KIZ: variants seen among roughly 807,000 people sequenced by gnomAD.
The protein encoded by KIZ is kizuna centrosomal protein.
In KIZ, 68 loss-of-function variants were observed where a neutral mutation model predicts 79.6. That is an observed-to-expected ratio of 0.85 (90% CI 0.70 to 1.05). The LOEUF (loss-of-function observed/expected upper bound fraction) is 1.05. Ranked by LOEUF, KIZ falls within the 50% of genes least tolerant of loss-of-function variation. KIZ has a pLI of 0.00. For synonymous variants in KIZ, 280 were observed against 281.8 expected (o/e 0.99, Z 0.06); for missense variants, 797 against 800.4 (o/e 1.00, Z 0.05).
chr20:21,145,720 A>G, intron 4 of KIZ, 66 bp downstream of exon 4: 1 of 603,948 alleles, frequency 1.7e-6, no homozygotes, highest in Admixed American at 3.6e-5. Context: ...ATCTTGAGAT[A>G]TTGTTTTAAA....
intron 6 of KIZ, among the ~76,000 whole-genome samples, chr20:21,178,710 A>G (rs2034532687): frequency 6.6e-6 from 1 of 152,114 alleles, no homozygotes; most frequent in Non-Finnish European, 1.5e-5. Flanking sequence ...TGTGAACTTT[A>G]TATATGTGAC....
chr20:21,238,420 CACAT>C (rs1264583828), intron 11 of KIZ, among the ~76,000 whole-genome samples: 3 of 151,436 alleles, frequency 2.0e-5, no homozygotes, highest in East Asian at 1.9e-4. Context: ...TGTGTGTGGA[CACAT>C]ACATTTTCAA....
intron 9 of KIZ, chr20:21,218,545 A>G (rs2036388201): frequency 6.6e-6 from 1 of 152,254 alleles, no homozygotes; most frequent in South Asian, 2.1e-4. Context: ...GCATAGAAGC[A>G]TAGTGAAGAC....
chr20:21,241,744 G>T (rs1319934126), intron 11 of KIZ, among the ~76,000 whole-genome samples: 3 of 152,242 alleles, frequency 2.0e-5, no homozygotes, highest in Non-Finnish European at 4.4e-5. Flanking sequence ...CACCTCCGTG[G>T]TGGGACTCAG....
At chr20:21,233,270 AG>A (rs1390651853) in intron 11 of KIZ, among the ~76,000 whole-genome samples, 4 of 152,046 alleles carry the variant, frequency 2.6e-5, no homozygotes, top group Non-Finnish European at 5.9e-5. Flanking sequence ...TTTTTAACCA[AG>A]TGTTTAGGCT....
chr20:21,181,462 G>T (rs1018818567), intron 6 of KIZ, among the ~76,000 whole-genome samples: 3 of 142,980 alleles, frequency 2.1e-5, no homozygotes, highest in Non-Finnish European at 4.6e-5. Flanking sequence ...ATCTATCCAA[G>T]TTTTTTTTTT....
chr20:21,224,207 G>A (rs916137820), intron 9 of KIZ, among the ~76,000 whole-genome samples: 7 of 151,932 alleles, frequency 4.6e-5, no homozygotes, highest in East Asian at 1.9e-4. Flanking sequence ...TTGAACTCCC[G>A]ACCTCAGGTG....
At chr20:21,220,776 G>A (rs763799589) in intron 9 of KIZ, among the ~76,000 whole-genome samples, 1 of 152,172 alleles carries the variant, frequency 6.6e-6, no homozygotes, top group African/African-American at 2.4e-5. Context: ...CGCCACGCCC[G>A]GCCTACCCTG....
rs564566075 is a variant in KIZ at position 21,161,449 on chromosome 20, A to G, written c.406-422A>G. 3.9e-5 allele frequency among the ~76,000 whole-genome samples: 6 copies of G among 152,216 alleles called. No individual in the cohort carries two copies. In the East Asian group the frequency reaches 9.7e-4, roughly 25 times the overall value. ...CGGGTTCAAGTGATTCTCCTGCCTC[A>G]GCTTCCTGAATAGCTAGGATCACAG... On this transcript the variant is annotated intron_variant, in intron 4 of 12. Transcript: ENST00000619189.
chr20:21,159,215 C>T (rs1445974770), intron 4 of KIZ, among the ~76,000 whole-genome samples: 1 of 151,770 alleles, frequency 6.6e-6, no homozygotes, highest in Non-Finnish European at 1.5e-5. Context: ...GATGGAGTCT[C>T]ACTATGTTGC....
intron 9 of KIZ, among the ~76,000 whole-genome samples, chr20:21,224,374 A>G (rs1421690701): frequency 1.3e-5 from 2 of 152,240 alleles, no homozygotes; most frequent in Non-Finnish European, 2.9e-5. Flanking sequence ...ATATCTCACA[A>G]TTTTTATTTT....
At chr20:21,173,793 C>T (rs1411250291) in intron 6 of KIZ, among the ~76,000 whole-genome samples, 4 of 152,120 alleles carry the variant, frequency 2.6e-5, no homozygotes, top group Middle Eastern at 3.4e-3. Context: ...TTGACGTTCA[C>T]AGGGAGATGC....
intron 6 of KIZ, among the ~76,000 whole-genome samples, chr20:21,202,611 G>A (rs569290654): frequency 2.0e-5 from 3 of 152,128 alleles, no homozygotes; most frequent in Middle Eastern, 6.3e-3. Flanking sequence ...ATTGAGGAAG[G>A]TTCTGAACTG....
intron 6 of KIZ, among the ~76,000 whole-genome samples, chr20:21,167,643 C>T (rs145069982): frequency 0.017 from 2,418 of 142,382 alleles, 25 homozygotes; most frequent in Non-Finnish European, 0.025. Flanking sequence ...CTCACTGCAA[C>T]CTCCACCTCC....
At chr20:21,159,617 G>A (rs1600409826) in intron 4 of KIZ, among the ~76,000 whole-genome samples, 1 of 152,026 alleles carries the variant, frequency 6.6e-6, no homozygotes, top group African/African-American at 2.4e-5. Flanking sequence ...AGATCTTACA[G>A]TATATGGTCT....
In KIZ at chr20:21,172,422, G is replaced by C. The variant is rs920434126; in HGVS notation, c.1352+9263G>C. On this transcript the variant is annotated intron_variant, in intron 6 of 12. Transcript: ENST00000619189. ...GTTCGAGACCAGCCTGGGCAACGTG[G>C]TGAAACCTCGTCTCTACAAAAGATG... 2.6e-5 allele frequency among the ~76,000 whole-genome samples: 4 copies of C among 152,206 alleles called. No individual in the cohort carries two copies. The East Asian group carries it at 7.7e-4, about 29-fold the overall frequency.
chr20:21,229,312 G>A (rs2123426551), intron 10 of KIZ, among the ~76,000 whole-genome samples, 197 bp downstream of exon 10: 1 of 152,372 alleles, frequency 6.6e-6, no homozygotes, highest in East Asian at 1.9e-4. Context: ...TCCTAGACAT[G>A]TGCTGGCCAG....
At chr20:21,223,986 T>C (rs2123386336) in intron 9 of KIZ, among the ~76,000 whole-genome samples, 1 of 151,600 alleles carries the variant, frequency 6.6e-6, no homozygotes, top group East Asian at 1.9e-4. Context: ...CCTTATTTCC[T>C]TATTTTTTAT....
intron 3 of KIZ, among the ~76,000 whole-genome samples, chr20:21,141,518 G>A (rs2032528976): frequency 2.6e-5 from 4 of 152,128 alleles, no homozygotes; most frequent in Admixed American, 2.6e-4. Context: ...AGAAGCCTTA[G>A]GCACGGAGCC....
Sources: allele counts gnomAD v4.1 joint callset (sites outside exome capture counted in the v4.1 genomes callset), GRCh38; gene constraint gnomAD v4.1.1; transcripts MANE v1.5; gene names NCBI Gene and HGNC (gene_info 2026-07-23, HGNC 2026-07-21).